CACNA1H: variants seen among roughly 807,000 people sequenced by gnomAD.
The protein encoded by CACNA1H is voltage-dependent T-type calcium channel subunit alpha-1H.
In CACNA1H, 149 loss-of-function variants were observed where a neutral mutation model predicts 192.5. The ratio of observed to expected loss-of-function variants is 0.77; its 90% confidence interval spans 0.68 to 0.89. The LOEUF (loss-of-function observed/expected upper bound fraction) is 0.89. Ranked by LOEUF, CACNA1H falls within the 40% of genes least tolerant of loss-of-function variation. The pLI, the probability that CACNA1H is intolerant of heterozygous loss-of-function variation, is 0.00. For missense variants in CACNA1H, 4,257 were observed against 3,423.5 expected, an observed-to-expected ratio of 1.24 and a Z score of -6.08; for synonymous variants, 2,202 against 1,475.2, an observed-to-expected ratio of 1.49 and a Z score of -11.29.
At chr16:1,187,053 G>A (rs772725160) in intron 2 of CACNA1H, among the ~76,000 whole-genome samples, 7 of 152,384 alleles carry the variant, frequency 4.6e-5, no homozygotes, top group East Asian at 1.9e-4. Context: ...CGGCAGAGGC[G>A]ATGGAGTCCC....
At chr16:1,156,387 C>T (rs992473399) in intron 2 of CACNA1H, among the ~76,000 whole-genome samples, 1 of 152,178 alleles carries the variant, frequency 6.6e-6, no homozygotes, top group Non-Finnish European at 1.5e-5. Context: ...GGGTGTGTGT[C>T]CTGGCGTCAG....
At chr16:1,173,517 A>G (rs539396570) in intron 2 of CACNA1H, among the ~76,000 whole-genome samples, 2 of 152,382 alleles carry the variant, frequency 1.3e-5, no homozygotes, top group East Asian at 3.9e-4. Flanking sequence ...ATTGTTTACT[A>G]ACTTAACCAC....
Position 1,201,971 on chromosome 16 carries a change from A to G in CACNA1H, c.1521A>G (p.Ala507=). 2 of 1,543,800 alleles carry G rather than the reference A, an allele frequency of 1.3e-6. No homozygotes were observed. Among genetic ancestry groups the G allele is most frequent in the Non-Finnish European group, 1.7e-6 (2 of 1,144,136 alleles). Residue 507 remains alanine, a synonymous_variant, in exon 9 of 35, where the codon GCA becomes GCG. Transcript: ENST00000348261. ...GQGPGHRQRR[A]GRHTASVHHL... ...GTCCCGGGCACCGCCAGCGCCGGGC[A>G]GGCAGGCACACAGCCTCGGTGCACC...
intron 2 of CACNA1H, among the ~76,000 whole-genome samples, chr16:1,163,572 C>T (rs1018887326): frequency 1.1e-4 from 17 of 152,364 alleles, no homozygotes; most frequent in African/African-American, 3.8e-4. Context: ...GCCACACACA[C>T]GGTCCCTGCC....
intron 26 of CACNA1H, among the ~76,000 whole-genome samples, 180 bp downstream of exon 26, chr16:1,212,708 G>A (rs1969604380): frequency 1.3e-5 from 2 of 152,180 alleles, no homozygotes; most frequent in South Asian, 4.1e-4. Flanking sequence ...CTGTGTGCGT[G>A]CACGCGTGCG....
At position 1,208,157 on chromosome 16, in the gene CACNA1H, TC is replaced by T; in HGVS notation, c.3302del (p.Pro1101GlnfsTer243). ...SSPFLDAAPS[L>X]PDSRRGSSSS... Reference sequence around the variant, plus strand: ...CCATTCCTGGATGCAGCCCCCAGCCTCCCAGACTCTCGGCGTGGCAGCAGCA... The same window carrying T: ...CCATTCCTGGATGCAGCCCCCAGCCTCCAGACTCTCGGCGTGGCAGCAGCA... On this transcript the variant is annotated frameshift_variant, in exon 16 of 35. Coordinates refer to ENST00000348261, the MANE Select transcript of CACNA1H (RefSeq NM_021098.3). LOFTEE classifies it high-confidence loss of function. 3 of 1,574,680 alleles carry T rather than the reference TC, an allele frequency of 1.9e-6. No homozygotes were observed. Among genetic ancestry groups the T allele is most frequent in the Admixed American group, 1.8e-5 (1 of 55,206 alleles).
At chr16:1,179,458 T>G (rs1965245531) in intron 2 of CACNA1H, among the ~76,000 whole-genome samples, 1 of 152,142 alleles carries the variant, frequency 6.6e-6, no homozygotes, top group South Asian at 2.1e-4. Flanking sequence ...ATTTATTTAT[T>G]GATGTGTGTG....
chr16:1,213,492 T>C (rs763385509), intron 26 of CACNA1H, among the ~76,000 whole-genome samples: 7 of 152,018 alleles, frequency 4.6e-5, no homozygotes, highest in Non-Finnish European at 8.8e-5. Context: ...AGGAGGAGGT[T>C]AGTCAGTGGC....
intron 2 of CACNA1H, among the ~76,000 whole-genome samples, chr16:1,190,229 C>T (rs921730539): frequency 6.6e-6 from 1 of 152,252 alleles, no homozygotes. Context: ...GCTACGTTGG[C>T]CTGCTTCTCC....
intron 12 of CACNA1H, 67 bp downstream of exon 12, chr16:1,206,356 A>G: frequency 5.5e-6 from 8 of 1,466,042 alleles, no homozygotes; most frequent in Non-Finnish European, 7.4e-6. Context: ...GCAAAGGCCC[A>G]GGGCACCCCC....
chr16:1,154,919 C>A (rs576280036), intron 2 of CACNA1H, among the ~76,000 whole-genome samples: 2 of 152,094 alleles, frequency 1.3e-5, no homozygotes, highest in Non-Finnish European at 2.9e-5. Context: ...GTGTCAGGGC[C>A]GGGTCTCCCC....
At position 1,221,488 on chromosome 16, in the gene CACNA1H, A is replaced by C; in HGVS notation, c.*494A>C. The C allele has an allele frequency of 2.8e-6, 1 of 361,720 alleles. No homozygotes were observed. The highest frequency in any genetic ancestry group is 5.0e-6 in the Non-Finnish European group (1 of 200,570). The allele number at this position is 361,720 out of a possible 1,614,324, so 22.4% of individuals were successfully genotyped here. A position where few individuals can be genotyped will look rare whatever the true frequency, so the allele number is the denominator to read the frequency against. Reference sequence around the variant, plus strand: ...TCACCACCCTCCCCTTCCAGCCACCACCCTTTCCGTTCCGCTCGGGCCTTC... The same window carrying C: ...TCACCACCCTCCCCTTCCAGCCACCCCCCTTTCCGTTCCGCTCGGGCCTTC... On this transcript the variant is annotated 3_prime_UTR_variant, in exon 35 of 35. Coordinates refer to ENST00000348261, the MANE Select transcript of CACNA1H (RefSeq NM_021098.3).
chr16:1,202,634 G>A (rs1968109922), intron 9 of CACNA1H, among the ~76,000 whole-genome samples, 182 bp downstream of exon 9: 1 of 152,156 alleles, frequency 6.6e-6, no homozygotes, highest in Admixed American at 6.5e-5. Context: ...TCCCGCCCCT[G>A]ACAGCGCCAA....
Position 1,153,311 on chromosome 16 carries a change from G to T in CACNA1H, c.-178G>T, listed in dbSNP as rs2073072294. On this transcript the variant is annotated 5_prime_UTR_variant, in exon 1 of 35. Transcript: ENST00000348261. ...CGAGCCGCGGCCGGGAGCCGGGCGGGCTGGGGACGCGGGCCGGGGGCGGAG... is the reference window on the plus strand; with the variant it reads ...CGAGCCGCGGCCGGGAGCCGGGCGGTCTGGGGACGCGGGCCGGGGGCGGAG... The T allele has an allele frequency of 6.9e-6, 1 of 144,828 alleles. No homozygotes were observed. Among genetic ancestry groups the T allele is most frequent in the East Asian group, 2.1e-4 (1 of 4,798 alleles). The allele number at this position is 144,828 out of a possible 1,614,324, so 9.0% of individuals were successfully genotyped here.
chr16:1,212,282 C>T, intron 25 of CACNA1H, 144 bp downstream of exon 25: 1 of 1,302,920 alleles, frequency 7.7e-7, no homozygotes, highest in Non-Finnish European at 1.0e-6. Context: ...GGGGCTGGGC[C>T]TTGGAGGGGC....
At chr16:1,184,053 C>T (rs1419377941) in intron 2 of CACNA1H, among the ~76,000 whole-genome samples, 1 of 152,214 alleles carries the variant, frequency 6.6e-6, no homozygotes, top group Admixed American at 6.5e-5. Context: ...GTGCCTGGCC[C>T]ATCAGGCCTA....
intron 2 of CACNA1H, among the ~76,000 whole-genome samples, chr16:1,176,410 C>T (rs543435998): frequency 3.9e-5 from 6 of 152,324 alleles, no homozygotes; most frequent in South Asian, 4.1e-4. Context: ...TGGGGTCGGC[C>T]GCTCCTACTC....
intron 34 of CACNA1H, 135 bp downstream of exon 34, chr16:1,219,265 G>T (rs1970289522): frequency 1.2e-6 from 1 of 845,128 alleles, no homozygotes; most frequent in Non-Finnish European, 1.8e-6. Flanking sequence ...GGGCTCCGAA[G>T]GTTTCTGCCT....
At position 1,220,424 on chromosome 16, in the gene CACNA1H, G is replaced by A. The variant is rs768879342; in HGVS notation, c.6492G>A (p.Glu2164=). The change falls in exon 35 of 35, where the codon GAG becomes GAA. Residue 2164 remains glutamate, a synonymous_variant. Transcript: ENST00000348261. ...CCTCGGCGGAGCTGGGCAGCGGGGA[G>A]CCTGGGGAGGCGAAGGCCTGGGGCC... The part of the protein sequence containing the change: ...WRPSAELGSG[E]PGEAKAWGPE... The A allele has an allele frequency of 3.3e-6, 5 of 1,533,182 alleles. No individual in the cohort carries two copies. The African/African-American group carries it at 7.0e-5, about 22-fold the overall frequency. The allele number at this position is 1,533,182 out of a possible 1,614,324, so 95.0% of individuals were successfully genotyped here.
Sources: allele counts gnomAD v4.1 joint callset (sites outside exome capture counted in the v4.1 genomes callset), GRCh38; gene constraint gnomAD v4.1.1; transcripts MANE v1.5; gene names NCBI Gene and HGNC (gene_info 2026-07-23, HGNC 2026-07-21).